CEP44: variants seen among roughly 807,000 people sequenced by gnomAD.
CEP44 encodes the protein centrosomal protein 44.
In CEP44, 45 loss-of-function variants were observed where a neutral mutation model predicts 46.7. That is an observed-to-expected ratio of 0.96 (90% CI 0.76 to 1.24). The LOEUF is 1.24. Among genes scored for constraint, CEP44 ranks in the 50% most tolerant of loss-of-function variants. The probability of loss-of-function intolerance (pLI) is 0.00; values close to 1 mark genes in which losing one functional copy is unlikely to be tolerated. For missense variants in CEP44, 475 were observed against 459.7 expected, an observed-to-expected ratio of 1.03 and a Z score of -0.30; for synonymous variants, 142 against 146.0, an observed-to-expected ratio of 0.97 and a Z score of 0.20.
chr4:174,329,214 G>C lies in CEP44; in HGVS notation c.1087-2268G>C, dbSNP rs941891011. On this transcript the variant is annotated intron_variant, in intron 8 of 8. Coordinates refer to the CEP44 transcript ENST00000426172. This position sits in a 1 kb window ranked among gnomAD's most constrained non-coding sequence, Gnocchi z 4.0. Reference sequence around the variant, plus strand: ...AATCTTCCTACCTCATCCTCTGAAAGTGTTGAGATTACAGGTATGAGCCAC... The same window carrying C: ...AATCTTCCTACCTCATCCTCTGAAACTGTTGAGATTACAGGTATGAGCCAC... Among the ~76,000 whole-genome samples, 1 of 152,024 alleles carries C rather than the reference G, an allele frequency of 6.6e-6. No homozygotes were observed. The highest frequency in any genetic ancestry group is 2.1e-4 in the South Asian group (1 of 4,822).
intron 1 of CEP44, among the ~76,000 whole-genome samples, chr4:174,284,610 CTG>C (rs1324569365): frequency 6.6e-6 from 1 of 152,124 alleles, no homozygotes; most frequent in Non-Finnish European, 1.5e-5. Context: ...CCATGCTAGA[CTG>C]TTTTTTTCCC....
rs867227180 is a variant in CEP44, at chr4:174,283,990, G to A, written c.-148+47G>A. ...ACAATTCCAAATACAAACGGTCGGC[G>A]CGAGAAGCGCTTCTGGGCGCAGGCG... On this transcript the variant is annotated intron_variant, in intron 1 of 11. Coordinates refer to ENST00000503780, the MANE Select transcript of CEP44 (RefSeq NM_001040157.3). The surrounding 1 kb of genome is among the most constrained non-coding windows in gnomAD (Gnocchi z 6.7). 2.5e-5 allele frequency: 10 copies of A among 399,754 alleles called. No homozygotes were observed. Among genetic ancestry groups the A allele is most frequent in the South Asian group, 1.3e-4 (1 of 7,878 alleles). The allele number at this position is 399,754 out of a possible 1,614,324, so 24.8% of individuals were successfully genotyped here.
Position 174,304,250 on chromosome 4 carries a change from C to A in CEP44, c.388C>A (p.Pro130Thr). ...HKELSSLQKI[P>T]SQQRKKISSG... ...TGACTAATACCTTTTTTTTTAGATTCCATCACAACAAAGAAAGAAAATCAG... is the reference window on the plus strand; with the variant it reads ...TGACTAATACCTTTTTTTTTAGATTACATCACAACAAAGAAAGAAAATCAG... Residue 130 changes from proline to threonine, a missense_variant, in exon 6 of 12, where the codon CCA (proline) becomes ACA (threonine). Physicochemically the swap from Pro to Thr is conservative, Grantham distance 38 (BLOSUM62 -1). Transcript: ENST00000503780. 1 of 1,575,454 alleles carries A rather than the reference C, an allele frequency of 6.3e-7. No individual in the cohort carries two copies. The highest frequency in any genetic ancestry group is 8.6e-7 in the Non-Finnish European group (1 of 1,169,110).
At chr4:174,316,680 G>A (rs1741760910) in intron 11 of CEP44, 113 bp downstream of exon 11, 1 of 963,800 alleles carries the variant, frequency 1.0e-6, no homozygotes. Context: ...CTCTCAATCA[G>A]GTGTGGAATT....
In CEP44 at chr4:174,288,806, G is replaced by T. The variant is rs2126494093; in HGVS notation, c.-148+4863G>T. Among the ~76,000 whole-genome samples, 1 of 152,174 alleles carries T rather than the reference G, an allele frequency of 6.6e-6. No individual in the cohort carries two copies. Among genetic ancestry groups the T allele is most frequent in the South Asian group, 2.1e-4 (1 of 4,818 alleles). Reference sequence around the variant, plus strand: ...CGCTGAATAGGAGAGGCTAAAGTAGGCAACCTTGCCTTGTTCCTCATCTTA... The same window carrying T: ...CGCTGAATAGGAGAGGCTAAAGTAGTCAACCTTGCCTTGTTCCTCATCTTA... On this transcript the variant is annotated intron_variant, in intron 1 of 11. Coordinates refer to ENST00000503780, the MANE Select transcript of CEP44 (RefSeq NM_001040157.3). This position sits in a 1 kb window ranked among gnomAD's most constrained non-coding sequence, Gnocchi z 4.6.
rs1366190166 is a variant in CEP44, at chr4:174,310,510, A to G, written c.886-273A>G. 6.6e-6 allele frequency among the ~76,000 whole-genome samples: 1 copy of G among 151,936 alleles called. No homozygotes were observed. The highest frequency in any genetic ancestry group is 2.4e-5 in the African/African-American group (1 of 41,416). On this transcript the variant is annotated intron_variant, in intron 8 of 11. Transcript: ENST00000503780. This position sits in a 1 kb window ranked among gnomAD's most constrained non-coding sequence, Gnocchi z 4.2. The stretch of plus-strand genomic sequence containing the variant: ...ACCAGATTTACCATTGCCTTATCAA[A>G]TCTGAGAAATTTGTTTTTTTTTACT...
chr4:174,306,906 G>A (rs1392008235), intron 6 of CEP44, among the ~76,000 whole-genome samples: 2 of 151,984 alleles, frequency 1.3e-5, no homozygotes, highest in Non-Finnish European at 2.9e-5. Context: ...AGCTAACAAG[G>A]GAGGCAAAAG....
chr4:174,295,214 C>T (rs1385630960), intron 1 of CEP44, among the ~76,000 whole-genome samples: 1 of 150,892 alleles, frequency 6.6e-6, no homozygotes, highest in Non-Finnish European at 1.5e-5. Context: ...GGCGGAGGGG[C>T]TCCTCACTTC....
At chr4:174,294,651 G>T (rs974685293) in intron 1 of CEP44, among the ~76,000 whole-genome samples, 1 of 151,472 alleles carries the variant, frequency 6.6e-6, no homozygotes, top group African/African-American at 2.4e-5. Flanking sequence ...CTCCCAGACG[G>T]GGCGGCTGGC....
At chr4:174,317,101 ATAT>A (rs918276345) in intron 11 of CEP44, among the ~76,000 whole-genome samples, 1 of 152,052 alleles carries the variant, frequency 6.6e-6, no homozygotes, top group African/African-American at 2.4e-5. Context: ...GAAAATTATA[ATAT>A]TATTTAGAAA....
chr4:174,295,041 A>C (rs1360398551), intron 1 of CEP44, among the ~76,000 whole-genome samples: 1 of 117,238 alleles, frequency 8.5e-6, no homozygotes. Context: ...TGACCCCCCC[A>C]CCTCCCTCCC....
chr4:174,305,701 C>T (rs116214542), intron 6 of CEP44, among the ~76,000 whole-genome samples: 493 of 152,186 alleles, frequency 3.2e-3, no homozygotes, highest in African/African-American at 0.011. Context: ...ATCTTGTATT[C>T]TTCCCCAACT....
At chr4:174,302,758 A>G (rs1427369721) in intron 4 of CEP44, among the ~76,000 whole-genome samples, 4 of 151,822 alleles carry the variant, frequency 2.6e-5, no homozygotes, top group Admixed American at 6.6e-5. Context: ...TTTAATGGTA[A>G]AAACCCACTT....
At chr4:174,284,421 G>A (rs1299934897) in intron 1 of CEP44, among the ~76,000 whole-genome samples, 1 of 152,146 alleles carries the variant, frequency 6.6e-6, no homozygotes, top group East Asian at 1.9e-4. Context: ...GATCCTCTGG[G>A]GTGAGGATAC....
In CEP44 at chr4:174,319,416, C is replaced by T. The variant is rs1742090130; in HGVS notation, c.*2033C>T. 11 of 983,126 alleles carry T rather than the reference C, an allele frequency of 1.1e-5. No homozygotes were observed. Among genetic ancestry groups the T allele is most frequent in the Non-Finnish European group, 1.3e-5 (11 of 828,082 alleles). The allele number at this position is 983,126 out of a possible 1,614,324, so 60.9% of individuals were successfully genotyped here. ...ACCTTTTGTTAAAACAAGTGATTTC[C>T]CATCAAACAGGATAATATTTTTTCC... On this transcript the variant is annotated 3_prime_UTR_variant, in exon 12 of 12. Transcript: ENST00000503780.
At chr4:174,307,999 A>G (rs1274613978) in intron 6 of CEP44, among the ~76,000 whole-genome samples, 3 of 152,158 alleles carry the variant, frequency 2.0e-5, no homozygotes, top group Non-Finnish European at 2.9e-5. Flanking sequence ...ACATTTATAC[A>G]CTGTTGGTGG....
chr4:174,318,634 C>G lies in CEP44; in HGVS notation c.*1251C>G. The stretch of plus-strand genomic sequence containing the variant: ...TTTTTTTTAATATTATATGGACCAT[C>G]TGATTATATTTTATTTATTCATCTA... On this transcript the variant is annotated 3_prime_UTR_variant, in exon 12 of 12. Transcript: ENST00000503780. 1.6e-6 allele frequency: 1 copy of G among 612,282 alleles called. No homozygotes were observed. The highest frequency in any genetic ancestry group is 2.0e-5 in the African/African-American group (1 of 49,870). 37.9% of individuals were successfully genotyped at this position (612,282 alleles called of 1,614,324 possible).
chr4:174,324,438 T>A (rs1047141143), downstream of CEP44, among the ~76,000 whole-genome samples: 3 of 152,120 alleles, frequency 2.0e-5, no homozygotes, highest in African/African-American at 7.2e-5. Context: ...AATAGTAAAG[T>A]TATGATTAAG....
rs1742602470 is a variant in CEP44 at position 174,325,493 on chromosome 4, A to C, written c.1087-5989A>C. 6.6e-6 allele frequency among the ~76,000 whole-genome samples: 1 copy of C among 151,968 alleles called. No homozygotes were observed. Among genetic ancestry groups the C allele is most frequent in the African/African-American group, 2.4e-5 (1 of 41,390 alleles). On this transcript the variant is annotated intron_variant, in intron 8 of 8. Transcript: ENST00000426172. The surrounding 1 kb of genome is among the most constrained non-coding windows in gnomAD (Gnocchi z 4.4). ...ATATAGCCAGATCCTGTCTCTACAA[A>C]AATTTTTTTAAATTAGCCAAGCATA... is the stretch of plus-strand genomic sequence containing the variant.
Sources: allele counts gnomAD v4.1 joint callset (sites outside exome capture counted in the v4.1 genomes callset), GRCh38; gene constraint gnomAD v4.1.1; non-coding constraint Gnocchi (gnomAD v3.1); transcripts MANE v1.5; gene names NCBI Gene and HGNC (gene_info 2026-07-23, HGNC 2026-07-21).